The following SLC25A30 variants were observed in gnomAD, a reference collection of about 807,000 sequenced individuals.
The protein encoded by SLC25A30 is solute carrier family 25 member 30.
In SLC25A30, 29 loss-of-function variants were observed where a neutral mutation model predicts 42.7. The observed-to-expected ratio is 0.68, with a 90% CI of 0.51 to 0.93. SLC25A30 has a LOEUF of 0.93. Among genes scored for constraint, SLC25A30 ranks in the 40% least tolerant of loss-of-function variants. The pLI, the probability that SLC25A30 is intolerant of heterozygous loss-of-function variation, is 0.00. For synonymous variants in SLC25A30, 124 were observed against 131.0 expected (o/e 0.95, Z 0.37); for missense variants, 300 against 359.7 (o/e 0.83, Z 1.34).
At chr13:45,411,580 C>T in intron 1 of SLC25A30, 100 bp from the exon 2 acceptor site, 1 of 716,112 alleles carries the variant, frequency 1.4e-6, no homozygotes, top group Non-Finnish European at 2.4e-6. Flanking sequence ...GTGCTATCAC[C>T]AAAACCCCTG....
At chr13:45,433,710 C>T in the SLC25A30 span, among the ~76,000 whole-genome samples, 342 of 152,290 alleles carry the variant, frequency 2.2e-3, 3 homozygotes, top group African/African-American at 7.7e-3. Flanking sequence ...AAAGTCTGAG[C>T]TGTTCTGACG....
At chr13:45,431,023 G>A in the SLC25A30 span, among the ~76,000 whole-genome samples, 53 of 151,768 alleles carry the variant, frequency 3.5e-4, no homozygotes, top group Non-Finnish European at 1.6e-4. Flanking sequence ...AACACCACCC[G>A]ACAATTGCAC....
Position 45,400,022 on chromosome 13 carries a change from A to ATATG in SLC25A30, c.615-945_615-944insCATA, listed in dbSNP as rs1263904076. Among the ~76,000 whole-genome samples, 740 of 119,966 alleles carry ATATG rather than the reference A, an allele frequency of 6.2e-3. 4 individuals are homozygous for ATATG. Among genetic ancestry groups the ATATG allele is most frequent in the African/African-American group, 0.017 (529 of 31,696 alleles). 78.7% of individuals were successfully genotyped at this position (119,966 alleles called of 152,430 possible). ...CAATGGATTATGTATGATTATATATATATATATATATACACACACACACAC... is the reference window on the plus strand; with the variant it reads ...CAATGGATTATGTATGATTATATATATATGTATATATATATACACACACACACAC... On this transcript the variant is annotated intron_variant, in intron 7 of 9. Coordinates refer to ENST00000519676, the MANE Select transcript of SLC25A30 (RefSeq NM_001010875.4).
chr13:45,425,619 T>TATATAA, the SLC25A30 span, among the ~76,000 whole-genome samples: 1 of 96,930 alleles, frequency 1.0e-5, no homozygotes, highest in African/African-American at 3.8e-5. Flanking sequence ...CATATATAAA[T>TATATAA]ATATATATAA....
At chr13:45,424,570 A>AATATATAAATATATAAATATATATAAAT in the SLC25A30 span, among the ~76,000 whole-genome samples, 45 of 27,442 alleles carry the variant, frequency 1.6e-3, 2 homozygotes, top group Middle Eastern at 0.071. Flanking sequence ...TAAATGTATA[A>AATATATAAATATATAAATATATATAAAT]ATATATAAAT....
intron 5 of SLC25A30, 84 bp from the exon 6 acceptor site, chr13:45,402,454 C>T (rs192501358): frequency 1.5e-5 from 16 of 1,089,738 alleles, no homozygotes; most frequent in Non-Finnish European, 2.1e-5. Context: ...ACAGTCAGTC[C>T]GTCAGTCAGT....
At chr13:45,413,934 T>C (rs1478126482) in intron 1 of SLC25A30, among the ~76,000 whole-genome samples, 1 of 152,172 alleles carries the variant, frequency 6.6e-6, no homozygotes, top group Non-Finnish European at 1.5e-5. Context: ...TAGGTTAAAA[T>C]CCAGAGGCTC....
Position 45,402,374 on chromosome 13 carries a change from G to C in SLC25A30, c.394-4C>G. ...TGCTTTGCGCTTGCATCCGAATCTA[G>C]AGATTATTTTAAAGACCAACATCAG... On this transcript the variant is annotated splice_polypyrimidine_tract_variant and splice_region_variant and intron_variant, in intron 5 of 9. Coordinates refer to ENST00000519676, the MANE Select transcript of SLC25A30 (RefSeq NM_001010875.4). The C allele has an allele frequency of 6.2e-7, 1 of 1,612,520 alleles. No homozygotes were observed. Among genetic ancestry groups the C allele is most frequent in the Non-Finnish European group, 8.5e-7 (1 of 1,178,696 alleles).
At chr13:45,424,058 AAAAT>A in the SLC25A30 span, among the ~76,000 whole-genome samples, 1 of 104,826 alleles carries the variant, frequency 9.5e-6, no homozygotes, top group Non-Finnish European at 1.7e-5. Flanking sequence ...TAAATCTATA[AAAAT>A]ATATATATTT....
intron 1 of SLC25A30, among the ~76,000 whole-genome samples, chr13:45,412,802 G>A (rs1434992278): frequency 6.6e-6 from 1 of 152,134 alleles, no homozygotes; most frequent in African/African-American, 2.4e-5. Context: ...TTCATGACAT[G>A]TTCTGCAGTT....
chr13:45,402,356 C>A lies in SLC25A30; in HGVS notation c.408G>T (p.Ala136=), dbSNP rs769164905. ...TTCCTCCTTGAATGGTGTTGCTTTG[C>A]GCTTGCATCCGAATCTAGAGATTAT... ...PTDVLKIRMQ[A]QSNTIQGGMI... The change falls in exon 6 of 10, where the codon GCG becomes GCT. Residue 136 remains alanine (A), a synonymous_variant. Coordinates refer to ENST00000519676, the MANE Select transcript of SLC25A30 (RefSeq NM_001010875.4). The A allele has an allele frequency of 6.2e-7, 1 of 1,613,440 alleles. No homozygotes were observed. Among genetic ancestry groups the A allele is most frequent in the African/African-American group, 1.3e-5 (1 of 74,872 alleles).
rs963542559 is a variant in SLC25A30 at position 45,395,535 on chromosome 13, C to T, written c.*439G>A. On this transcript the variant is annotated 3_prime_UTR_variant, in exon 10 of 10. Transcript: ENST00000519676. ...CTTCAGTTGACAAGGAGCAAAATCT[C>T]CCAGAAATTCAGAAACCATAACACC... is the stretch of plus-strand genomic sequence containing the variant. The T allele has an allele frequency of 9.5e-7, 1 of 1,051,182 alleles. No individual in the cohort carries two copies. 65.1% of individuals were successfully genotyped at this position (1,051,182 alleles called of 1,614,324 possible).
At chr13:45,403,376 C>T (rs1028382810) in intron 5 of SLC25A30, among the ~76,000 whole-genome samples, 2 of 151,814 alleles carry the variant, frequency 1.3e-5, no homozygotes, top group Non-Finnish European at 2.9e-5. Context: ...CTAACCATGG[C>T]GTATACCAAC....
At position 45,395,603 on chromosome 13, in the gene SLC25A30, A is replaced by C; in HGVS notation, c.*371T>G. On this transcript the variant is annotated 3_prime_UTR_variant, in exon 10 of 10. Coordinates refer to ENST00000519676, the MANE Select transcript of SLC25A30 (RefSeq NM_001010875.4). ...CCATGGTTCCAGTGAGCTTTTCTAG[A>C]GCAGTCTGATTCTCAGTCATGAGCT... 1 of 1,132,758 alleles carries C rather than the reference A, an allele frequency of 8.8e-7. No homozygotes were observed. Among genetic ancestry groups the C allele is most frequent in the Non-Finnish European group, 1.1e-6 (1 of 915,240 alleles). The allele number at this position is 1,132,758 out of a possible 1,614,324, so 70.2% of individuals were successfully genotyped here.
At chr13:45,421,089 C>CA (rs550024707), upstream of SLC25A30, among the ~76,000 whole-genome samples, 146 of 150,668 alleles carry the variant, frequency 9.7e-4, 1 homozygote, top group African/African-American at 3.4e-3. Context: ...ACAAGAATAA[C>CA]AAAAAAAGGC....
At position 45,404,429 on chromosome 13, in the gene SLC25A30, A is replaced by C; in HGVS notation, c.308-17T>G. The C allele has an allele frequency of 6.4e-7, 1 of 1,560,504 alleles. No homozygotes were observed. Among genetic ancestry groups the C allele is most frequent in the Non-Finnish European group, 8.8e-7 (1 of 1,131,342 alleles). ...GAGTTTCATCTGTAAACAATGACAC[A>C]TTATTTGACTCTACATATTTAGAGT... On this transcript the variant is annotated splice_polypyrimidine_tract_variant and intron_variant, in intron 4 of 9. Coordinates refer to ENST00000519676, the MANE Select transcript of SLC25A30 (RefSeq NM_001010875.4).
chr13:45,399,118 A>G (rs1402483295), intron 7 of SLC25A30, 40 bp from the exon 8 acceptor site: 2 of 1,551,130 alleles, frequency 1.3e-6, no homozygotes, highest in East Asian at 4.6e-5. Context: ...AAAGTTAACC[A>G]TCACTGAGCT....
chr13:45,428,851 G>GA, the SLC25A30 span, among the ~76,000 whole-genome samples: 18 of 150,552 alleles, frequency 1.2e-4, no homozygotes, highest in Admixed American at 8.0e-4. Context: ...TAATTTGGGT[G>GA]GAGAGAGAGA....
chr13:45,423,820 A>ATATTTATATATATT, the SLC25A30 span, among the ~76,000 whole-genome samples: 1 of 81,382 alleles, frequency 1.2e-5, no homozygotes, highest in Non-Finnish European at 2.1e-5. Context: ...ATAAAAATAT[A>ATATTTATATATATT]AATATATATT....
Sources: gnomAD v4.1 joint callset for allele counts (sites outside exome capture counted in the v4.1 genomes callset) on GRCh38, gnomAD v4.1.1 for gene constraint, MANE v1.5 for transcripts, NCBI Gene and HGNC (gene_info 2026-07-23, HGNC 2026-07-21) for gene names.